The following MAPK10 variants were observed in gnomAD, a reference collection of about 807,000 sequenced individuals.
The protein encoded by MAPK10 is JNK3 alpha protein kinase.
Under a neutral mutation model 59.3 loss-of-function variants are expected in MAPK10, and 25 were observed. The observed-to-expected ratio is 0.42, with a 90% CI of 0.31 to 0.59. MAPK10 has a LOEUF of 0.59. Ranked by LOEUF, MAPK10 falls within the 20% of genes least tolerant of loss-of-function variation. The pLI is 0.15. For synonymous variants in MAPK10, 190 were observed against 200.5 expected, an observed-to-expected ratio of 0.95 and a Z score of 0.44; for missense variants, 351 against 568.9, an observed-to-expected ratio of 0.62 and a Z score of 3.90.
At position 86,044,566 on chromosome 4, in the gene MAPK10, T is replaced by C. The variant is rs190398804; in HGVS notation, c.1111-13135A>G. 8 of 392,780 alleles carry C rather than the reference T, an allele frequency of 2.0e-5. No homozygotes were observed. The Admixed American group carries it at 3.5e-4, about 17-fold the overall frequency. The allele number at this position is 392,780 out of a possible 1,614,324, so 24.3% of individuals were successfully genotyped here. A position where few individuals can be genotyped will look rare whatever the true frequency, so the allele number is the denominator to read the frequency against. ...GATTTTCTCTCAATCTTTAATGGCA[T>C]CTAGTTCTTGGTAGAATACAATGAT... is the stretch of plus-strand genomic sequence containing the variant. On this transcript the variant is annotated intron_variant, in intron 11 of 13. Transcript: ENST00000641462.
upstream of MAPK10, among the ~76,000 whole-genome samples, chr4:86,362,546 C>G (rs1226411474): frequency 6.6e-6 from 1 of 151,940 alleles, no homozygotes; most frequent in East Asian, 1.9e-4. Context: ...TGAAAATATT[C>G]TGATACACAC....
rs532759331 is a variant in MAPK10, at chr4:86,048,214, G to T, written c.1110+16052C>A. Among the ~76,000 whole-genome samples the T allele has an allele frequency of 8.4e-4, 128 of 152,144 alleles. No homozygotes were observed. The Middle Eastern group carries it at 0.01, about 12-fold the overall frequency. On this transcript the variant is annotated intron_variant, in intron 11 of 13. Coordinates refer to ENST00000641462, the MANE Select transcript of MAPK10 (RefSeq NM_138982.4). ...ACTCTCACTGTTTTCTCTGCACTCGGTAGATAAAACTGAATTTCTGCTCCC... is the reference window on the plus strand; with the variant it reads ...ACTCTCACTGTTTTCTCTGCACTCGTTAGATAAAACTGAATTTCTGCTCCC...
chr4:86,211,341 G>C (rs76894746), intron 2 of MAPK10, among the ~76,000 whole-genome samples: 8 of 151,864 alleles, frequency 5.3e-5, no homozygotes, highest in Non-Finnish European at 1.2e-4. Context: ...AGAAAGAAGT[G>C]ATTCAGCACA....
intron 3 of MAPK10, among the ~76,000 whole-genome samples, chr4:86,176,709 T>C (rs935254839): frequency 1.3e-5 from 2 of 152,104 alleles, no homozygotes; most frequent in African/African-American, 4.8e-5. Context: ...TGAAATTTGC[T>C]ATAACTGTGT....
intron 2 of MAPK10, among the ~76,000 whole-genome samples, chr4:86,354,215 A>C (rs1347651159): frequency 6.6e-6 from 1 of 152,012 alleles, no homozygotes; most frequent in Non-Finnish European, 1.5e-5. Flanking sequence ...CAAATAATAA[A>C]AGTCACTTAA....
intron 2 of MAPK10, among the ~76,000 whole-genome samples, chr4:86,321,493 A>AT (rs1031449776): frequency 1.7e-4 from 25 of 150,858 alleles, no homozygotes; most frequent in Non-Finnish European, 1.9e-4. Context: ...GAACAAAAAA[A>AT]CAAACACCGC....
intron 2 of MAPK10, among the ~76,000 whole-genome samples, chr4:86,210,339 C>T (rs2085424402): frequency 6.9e-6 from 1 of 145,926 alleles, no homozygotes; most frequent in Non-Finnish European, 1.5e-5. Flanking sequence ...AGAGATAACC[C>T]AAAGAATGGG....
At chr4:86,062,213 C>G (rs1169278005) in intron 11 of MAPK10, among the ~76,000 whole-genome samples, 1 of 152,108 alleles carries the variant, frequency 6.6e-6, no homozygotes, top group African/African-American at 2.4e-5. Context: ...GTCTAGATGT[C>G]AAGTACTTGC....
intron 9 of MAPK10, chr4:86,080,566 A>T (rs1209883614): frequency 6.6e-6 from 1 of 152,014 alleles, no homozygotes; most frequent in Non-Finnish European, 1.5e-5. Context: ...CAAAATACGT[A>T]CTTCGGGAGA....
intron 11 of MAPK10, among the ~76,000 whole-genome samples, chr4:86,050,613 AG>A (rs1280585908): frequency 2.6e-5 from 4 of 152,112 alleles, no homozygotes; most frequent in African/African-American, 9.7e-5. Flanking sequence ...ACTAATTGCA[AG>A]CCAAGTTTTT....
At chr4:86,300,605 C>T (rs2095451111) in intron 2 of MAPK10, 1 of 152,060 alleles carries the variant, frequency 6.6e-6, no homozygotes, top group Admixed American at 6.5e-5. Context: ...TAGAACAATA[C>T]AAAATATTTA....
intron 2 of MAPK10, among the ~76,000 whole-genome samples, chr4:86,324,476 T>C (rs916920963): frequency 4.0e-5 from 6 of 151,890 alleles, no homozygotes; most frequent in African/African-American, 1.5e-4. Flanking sequence ...CTACTTTTGA[T>C]AGTTACTAGA....
intron 2 of MAPK10, among the ~76,000 whole-genome samples, chr4:86,227,530 C>T (rs919911012): frequency 6.6e-6 from 1 of 150,810 alleles, no homozygotes; most frequent in African/African-American, 2.4e-5. Context: ...AGAAAAAAGA[C>T]GCATAGATGG....
At position 86,410,511 on chromosome 4, in the gene MAPK10, G is replaced by A. The variant is rs186438654; in HGVS notation, c.-122+42519C>T. ...CCTTTTTGTACCTCTGGTAGAATTCGGCTGTGAATCCATCTGCTCCTGGAC... is the reference window on the plus strand; with the variant it reads ...CCTTTTTGTACCTCTGGTAGAATTCAGCTGTGAATCCATCTGCTCCTGGAC... On this transcript the variant is annotated intron_variant, in intron 1 of 13. Transcript: ENST00000361569. 5.4e-3 allele frequency among the ~76,000 whole-genome samples: 825 copies of A among 152,206 alleles called. 2 individuals are homozygous for A. The highest frequency in any genetic ancestry group is 7.6e-3 in the Non-Finnish European group (514 of 68,018).
At chr4:86,509,201 C>T (rs999855063) in intron 1 of MAPK10, among the ~76,000 whole-genome samples, 1 of 152,002 alleles carries the variant, frequency 6.6e-6, no homozygotes, top group Non-Finnish European at 1.5e-5. Flanking sequence ...TTACAAATTA[C>T]AACCGCTTCA....
intron 1 of MAPK10, among the ~76,000 whole-genome samples, chr4:86,450,819 C>G (rs1434926786): frequency 6.6e-6 from 1 of 152,186 alleles, no homozygotes; most frequent in Non-Finnish European, 1.5e-5. Context: ...TGTTGGCTTA[C>G]AAAATAAAAT....
At chr4:86,173,414 C>A (rs1339039996) in intron 3 of MAPK10, among the ~76,000 whole-genome samples, 1 of 152,016 alleles carries the variant, frequency 6.6e-6, no homozygotes, top group Non-Finnish European at 1.5e-5. Flanking sequence ...AACTCACTAG[C>A]CATATGCAGA....
At chr4:86,442,300 A>C (rs1203104494) in intron 1 of MAPK10, among the ~76,000 whole-genome samples, 2 of 152,182 alleles carry the variant, frequency 1.3e-5, no homozygotes, top group Non-Finnish European at 2.9e-5. Flanking sequence ...TTTTATTTAC[A>C]TTCTTATTAC....
chr4:86,134,966 C>A (rs1057276765), intron 4 of MAPK10, among the ~76,000 whole-genome samples: 1 of 152,186 alleles, frequency 6.6e-6, no homozygotes, highest in East Asian at 1.9e-4. Context: ...CTGAATACTG[C>A]GCTTTTCCGA....
Sources: gnomAD v4.1 joint callset for allele counts (sites outside exome capture counted in the v4.1 genomes callset) on GRCh38, gnomAD v4.1.1 for gene constraint, MANE v1.5 for transcripts, NCBI Gene and HGNC (gene_info 2026-07-23, HGNC 2026-07-21) for gene names.